TTBK2: variants seen among roughly 807,000 people sequenced by gnomAD.
TTBK2 encodes tau tubulin kinase 2, also known as tau-tubulin kinase 2.
Under a neutral mutation model 110.8 loss-of-function variants are expected in TTBK2, and 28 were observed. The ratio of observed to expected loss-of-function variants is 0.25; its 90% CI spans 0.19 to 0.35. TTBK2 has a LOEUF of 0.35. Ranked by LOEUF, TTBK2 falls within the 10% of genes least tolerant of loss-of-function variation. TTBK2 has a pLI of 1.00. For missense variants in TTBK2, 1,369 were observed against 1,500.3 expected, an observed-to-expected ratio of 0.91 and a Z score of 1.45; for synonymous variants, 532 against 527.3, an observed-to-expected ratio of 1.01 and a Z score of -0.12.
intron 14 of TTBK2, among the ~76,000 whole-genome samples, chr15:42,749,317 G>C (rs1401945113): frequency 6.6e-6 from 1 of 152,218 alleles, no homozygotes; most frequent in African/African-American, 2.4e-5. Context: ...CAACTGCACT[G>C]GCAGAATCTG....
intron 7 of TTBK2, among the ~76,000 whole-genome samples, chr15:42,816,085 A>ATATATAT (rs1567040790): frequency 0.01 from 683 of 67,346 alleles, 18 homozygotes; most frequent in African/African-American, 0.018. Flanking sequence ...TAAATAAATA[A>ATATATAT]ATATATATAT....
intron 3 of TTBK2, among the ~76,000 whole-genome samples, chr15:42,859,010 C>G: frequency 6.6e-6 from 1 of 152,194 alleles, no homozygotes; most frequent in East Asian, 1.9e-4. Flanking sequence ...GCATTCTGTT[C>G]TTCCTAACAA....
intron 9 of TTBK2, among the ~76,000 whole-genome samples, chr15:42,807,198 A>G (rs1891504069): frequency 6.6e-6 from 1 of 152,158 alleles, no homozygotes; most frequent in East Asian, 1.9e-4. Flanking sequence ...AAGCTTGCTT[A>G]GCTTTGCATT....
At chr15:42,886,474 T>A (rs1187030192) in intron 1 of TTBK2, among the ~76,000 whole-genome samples, 1 of 152,216 alleles carries the variant, frequency 6.6e-6, no homozygotes, top group Non-Finnish European at 1.5e-5. Flanking sequence ...GGCCAGTTCA[T>A]GGCCCGTTTG....
intron 3 of TTBK2, among the ~76,000 whole-genome samples, chr15:42,860,633 A>ATTCT (rs1555432323): frequency 1.6e-5 from 2 of 127,798 alleles, no homozygotes; most frequent in Non-Finnish European, 3.2e-5. Context: ...TAGCTGGGGT[A>ATTCT]TTCTTTCTTT....
At chr15:42,782,647 G>C (rs1890226395) in intron 11 of TTBK2, among the ~76,000 whole-genome samples, 1 of 152,136 alleles carries the variant, frequency 6.6e-6, no homozygotes, top group Non-Finnish European at 1.5e-5. Flanking sequence ...CAAAATGAGA[G>C]CTTGTAATGT....
At chr15:42,834,878 A>G (rs1892926729) in intron 4 of TTBK2, among the ~76,000 whole-genome samples, 1 of 152,226 alleles carries the variant, frequency 6.6e-6, no homozygotes, top group Non-Finnish European at 1.5e-5. Context: ...TTCCGTCTCA[A>G]AAAAATAAAA....
At chr15:42,910,364 C>T (rs929030251) in intron 1 of TTBK2, among the ~76,000 whole-genome samples, 22 of 152,108 alleles carry the variant, frequency 1.4e-4, no homozygotes, top group African/African-American at 4.8e-4. Flanking sequence ...ACACAATTTA[C>T]GTCCTCCTAA....
chr15:42,801,694 C>T (rs370869412), intron 9 of TTBK2: 230 of 889,060 alleles, frequency 2.6e-4, no homozygotes, highest in Non-Finnish European at 4.1e-4. Context: ...CAGATGTATC[C>T]GAGATCTGGG....
chr15:42,755,058 CT>C (rs1209782256), intron 13 of TTBK2, among the ~76,000 whole-genome samples: 1 of 143,346 alleles, frequency 7.0e-6, no homozygotes, highest in Non-Finnish European at 1.5e-5. Flanking sequence ...AAGTGAAAAT[CT>C]ACCCCCCTTC....
At chr15:42,804,417 G>A (rs1246575569) in intron 9 of TTBK2, among the ~76,000 whole-genome samples, 1 of 151,328 alleles carries the variant, frequency 6.6e-6, no homozygotes, top group Non-Finnish European at 1.5e-5. Flanking sequence ...CTCCAGCCTG[G>A]GTGACAAGAG....
intron 1 of TTBK2, among the ~76,000 whole-genome samples, chr15:42,899,648 G>A (rs553944187): frequency 8.5e-5 from 13 of 152,222 alleles, no homozygotes; most frequent in African/African-American, 3.1e-4. Context: ...GCTGAGGCAG[G>A]GGAATCACTT....
intron 3 of TTBK2, among the ~76,000 whole-genome samples, chr15:42,851,321 C>A (rs971907840): frequency 6.6e-6 from 1 of 151,420 alleles, no homozygotes; most frequent in African/African-American, 2.4e-5. Flanking sequence ...ATAAGCCCAA[C>A]ATTTTCGACA....
At chr15:42,910,241 G>C (rs967839605) in intron 1 of TTBK2, among the ~76,000 whole-genome samples, 7 of 151,624 alleles carry the variant, frequency 4.6e-5, no homozygotes, top group East Asian at 1.9e-4. Flanking sequence ...GTGTGAGAGA[G>C]AGTAGAAGAG....
chr15:42,849,731 C>G (rs1051678290), intron 3 of TTBK2, among the ~76,000 whole-genome samples: 10 of 152,074 alleles, frequency 6.6e-5, no homozygotes, highest in Non-Finnish European at 1.3e-4. Context: ...ATAAGTACCC[C>G]ACGTGGTTTC....
Position 42,777,246 on chromosome 15 carries a change from T to A in TTBK2, c.1198-4A>T, listed in dbSNP as rs1193964926. On this transcript the variant is annotated splice_region_variant and splice_polypyrimidine_tract_variant and intron_variant, in intron 11 of 14. Coordinates refer to ENST00000267890, the MANE Select transcript of TTBK2 (RefSeq NM_173500.4). ...TGTTCTCCTCTTCAGTAGCAGCCTA[T>A]CCAAAATATAAAATAAAATCATGAA... 1 of 1,613,898 alleles carries A rather than the reference T, an allele frequency of 6.2e-7. No individual in the cohort carries two copies. The highest frequency in any genetic ancestry group is 1.7e-5 in the Admixed American group (1 of 60,008).
intron 4 of TTBK2, 126 bp from the exon 5 acceptor site, chr15:42,830,204 T>C: frequency 1.3e-5 from 14 of 1,104,352 alleles, no homozygotes; most frequent in Non-Finnish European, 1.8e-5. Flanking sequence ...TTTTTTTTTT[T>C]GAGAGGGAGT....
chr15:42,805,581 G>A (rs980135926), intron 9 of TTBK2, among the ~76,000 whole-genome samples: 1 of 152,148 alleles, frequency 6.6e-6, no homozygotes, highest in African/African-American at 2.4e-5. Context: ...AGGAGATAAG[G>A]CGTAATGGGG....
intron 1 of TTBK2, among the ~76,000 whole-genome samples, chr15:42,905,275 GT>G (rs1047763780): frequency 1.3e-5 from 2 of 152,078 alleles, no homozygotes; most frequent in Non-Finnish European, 2.9e-5. Context: ...ACAAAGGGAA[GT>G]TTTTTGTTTT....
Sources: allele counts gnomAD v4.1 joint callset (sites outside exome capture counted in the v4.1 genomes callset), GRCh38; gene constraint gnomAD v4.1.1; transcripts MANE v1.5; gene names NCBI Gene and HGNC (gene_info 2026-07-23, HGNC 2026-07-21).